Variants in MEI1 observed in about 807,000 individuals in gnomAD.
MEI1 encodes meiosis inhibitor protein 1.
A neutral mutation model predicts 146.2 loss-of-function variants in MEI1; 103 were observed. That is an observed-to-expected ratio of 0.70 (90% CI 0.60 to 0.83). The LOEUF (loss-of-function observed/expected upper bound fraction) is 0.83. Among genes scored for constraint, MEI1 ranks in the 40% least tolerant of loss-of-function variants. The probability of loss-of-function intolerance (pLI) is 0.00; values close to 1 mark genes in which losing one functional copy is unlikely to be tolerated. For synonymous variants in MEI1, 652 were observed against 628.2 expected (o/e 1.04, Z -0.57); for missense variants, 1,529 against 1,533.0 (o/e 1.00, Z 0.04).
At chr22:41,762,008 C>T (rs947740894) in intron 18 of MEI1, among the ~76,000 whole-genome samples, 5 of 152,170 alleles carry the variant, frequency 3.3e-5, no homozygotes, top group Non-Finnish European at 7.3e-5. Flanking sequence ...TGTATGTATA[C>T]ACCATAATTT....
chr22:41,714,008 T>C lies in MEI1; in HGVS notation c.356T>C (p.Ile119Thr). ...SVTDLCIEVL[I>T]QITTQLKLEQ... ...TACTGTTGTGTCTGTTCAGTCCTTATTCAGATCACAACGCAGCTGAAGCTG... is the reference window on the plus strand; with the variant it reads ...TACTGTTGTGTCTGTTCAGTCCTTACTCAGATCACAACGCAGCTGAAGCTG... Residue 119 changes from isoleucine to threonine, a missense_variant, in exon 4 of 31, where the codon ATT becomes ACT. Physicochemically the swap from Ile to Thr is moderately conservative, Grantham distance 89. This residue lies in a region of MEI1 where 1,212 missense variants were observed against 1,178.9 expected (regional missense o/e 1.03). Coordinates refer to ENST00000401548, the MANE Select transcript of MEI1 (RefSeq NM_152513.4). The C allele has an allele frequency of 6.3e-7, 1 of 1,588,884 alleles. No homozygotes were observed. Among genetic ancestry groups the C allele is most frequent in the Non-Finnish European group, 8.6e-7 (1 of 1,167,314 alleles).
chr22:41,797,327 A>G (rs1181638650), intron 30 of MEI1, among the ~76,000 whole-genome samples: 4 of 151,462 alleles, frequency 2.6e-5, no homozygotes, highest in Admixed American at 2.0e-4. Flanking sequence ...AATTACCTTC[A>G]GGTGGCCAGA....
At chr22:41,709,162 T>C in intron 3 of MEI1, 2 of 732,558 alleles carry the variant, frequency 2.7e-6, no homozygotes, top group Non-Finnish European at 2.5e-6. Context: ...TGATAAAAAA[T>C]AGTATTTCAA....
At chr22:41,705,863 A>G (rs1268792294) in intron 3 of MEI1, among the ~76,000 whole-genome samples, 1 of 151,608 alleles carries the variant, frequency 6.6e-6, no homozygotes, top group Non-Finnish European at 1.5e-5. Context: ...ATCTGCCACC[A>G]CACCCAGCTA....
rs760662489 is a variant in MEI1 at position 41,795,701 on chromosome 22, G to A, written c.3667-34G>A. 22 of 1,604,534 alleles carry A rather than the reference G, an allele frequency of 1.4e-5. No individual in the cohort carries two copies. In the South Asian group the frequency reaches 2.1e-4, roughly 15 times the overall value. ...GGGCCTGTGTGGAATGGGCACTGAG[G>A]AGGCCTGTCTTCCCTGCCCTCTTCT... is the stretch of plus-strand genomic sequence containing the variant. On this transcript the variant is annotated intron_variant, in intron 29 of 30. Transcript: ENST00000401548. The surrounding 1 kb of genome is among the most constrained non-coding windows in gnomAD (Gnocchi z 4.2).
intron 4 of MEI1, among the ~76,000 whole-genome samples, chr22:41,714,527 A>G (rs1169403216): frequency 1.3e-5 from 2 of 152,066 alleles, no homozygotes; most frequent in African/African-American, 4.8e-5. Flanking sequence ...TATCTGAGGT[A>G]AGCATTGAGT....
At chr22:41,714,723 A>C (rs1393755312) in intron 4 of MEI1, among the ~76,000 whole-genome samples, 2 of 151,802 alleles carry the variant, frequency 1.3e-5, no homozygotes, top group African/African-American at 2.4e-5. Context: ...ATACAAAAAA[A>C]AAAAAAAATT....
chr22:41,798,470 C>T (rs2076453904), intron 30 of MEI1, among the ~76,000 whole-genome samples: 1 of 151,574 alleles, frequency 6.6e-6, no homozygotes. Context: ...CCCAGCTACC[C>T]AGGAGGCTGA....
At chr22:41,762,441 C>A (rs1232169909) in intron 18 of MEI1, among the ~76,000 whole-genome samples, 2 of 151,910 alleles carry the variant, frequency 1.3e-5, no homozygotes, top group Admixed American at 1.3e-4. Context: ...GTAGCACAAT[C>A]ATGGCTCGCT....
intron 7 of MEI1, among the ~76,000 whole-genome samples, chr22:41,726,177 C>T (rs1601766203): frequency 6.6e-6 from 1 of 152,206 alleles, no homozygotes. Context: ...ATTTGGGAGG[C>T]TGAGGCAGGA....
At chr22:41,719,013 C>T (rs1487426866) in intron 6 of MEI1, among the ~76,000 whole-genome samples, 1 of 138,008 alleles carries the variant, frequency 7.2e-6, no homozygotes, top group Non-Finnish European at 1.5e-5. Flanking sequence ...GACAGAGTCT[C>T]ACACTGTTGC....
At chr22:41,718,026 G>A in intron 5 of MEI1, 45 bp from the exon 6 acceptor site, 1 of 1,458,846 alleles carries the variant, frequency 6.9e-7, no homozygotes, top group Non-Finnish European at 9.5e-7. Context: ...TATAGCAGTT[G>A]ACATTGTGAA....
chr22:41,763,955 T>G (rs1392956832), intron 19 of MEI1, among the ~76,000 whole-genome samples: 1 of 147,048 alleles, frequency 6.8e-6, no homozygotes, highest in African/African-American at 2.5e-5. Flanking sequence ...TTTTTTTTTT[T>G]TTTTTTTTTG....
At chr22:41,736,730 A>G (rs1326920832) in intron 11 of MEI1, among the ~76,000 whole-genome samples, 4 of 152,070 alleles carry the variant, frequency 2.6e-5, no homozygotes, top group African/African-American at 9.7e-5. Context: ...GATGGGATGT[A>G]GGGGACCACC....
In MEI1 at chr22:41,732,363, C is replaced by A. The variant is rs775580455; in HGVS notation, c.1196+19C>A. On this transcript the variant is annotated intron_variant, in intron 10 of 30. Coordinates refer to ENST00000401548, the MANE Select transcript of MEI1 (RefSeq NM_152513.4). ...TGACCCGGTGAGCAAAGTGGTGGAACATGAGGCTTGTAGGGGCCAGACTGC... is the reference window on the plus strand; with the variant it reads ...TGACCCGGTGAGCAAAGTGGTGGAAAATGAGGCTTGTAGGGGCCAGACTGC... 2.5e-6 allele frequency: 4 copies of A among 1,613,298 alleles called. No individual in the cohort carries two copies. In the East Asian group the frequency reaches 8.9e-5, roughly 36 times the overall value.
At chr22:41,777,014 ACCATGTTGC>A (rs544515665) in intron 21 of MEI1, among the ~76,000 whole-genome samples, 1 of 151,948 alleles carries the variant, frequency 6.6e-6, no homozygotes, top group South Asian at 2.1e-4. Flanking sequence ...ACGGGGTTTC[ACCATGTTGC>A]CCAGGGTGGT....
chr22:41,784,270 T>C (rs2075869798), intron 24 of MEI1, 69 bp from the exon 25 acceptor site: 1 of 1,401,194 alleles, frequency 7.1e-7, no homozygotes, highest in African/African-American at 1.4e-5. Context: ...GAAGAGATTT[T>C]CAGGCAGGTT....
In MEI1 at chr22:41,769,680, C is replaced by T. The variant is rs563335040; in HGVS notation, c.2269-1006C>T. Among the ~76,000 whole-genome samples, 9 of 151,388 alleles carry T rather than the reference C, an allele frequency of 5.9e-5. No individual in the cohort carries two copies. In the South Asian group the frequency reaches 6.3e-4, roughly 11 times the overall value. On this transcript the variant is annotated intron_variant, in intron 19 of 30. Coordinates refer to ENST00000401548, the MANE Select transcript of MEI1 (RefSeq NM_152513.4). ...AGAGACGGAGTTTCTCCATGTTGGC[C>T]AGGCTGGTCTCAAACTCCCGACCTC...
intron 26 of MEI1, among the ~76,000 whole-genome samples, chr22:41,792,088 TA>T (rs899589003): frequency 1.3e-5 from 2 of 152,192 alleles, no homozygotes; most frequent in Admixed American, 6.5e-5. Context: ...GATATAATTT[TA>T]AAAAACTACT....
Sources: allele counts gnomAD v4.1 joint callset (sites outside exome capture counted in the v4.1 genomes callset), GRCh38; gene constraint gnomAD v4.1.1; regional missense constraint gnomAD v4.1.1; non-coding constraint Gnocchi (gnomAD v3.1); transcripts MANE v1.5; gene names NCBI Gene and HGNC (gene_info 2026-07-23, HGNC 2026-07-21).